GJB2: variants seen among roughly 807,000 people sequenced by gnomAD.
GJB2 encodes the protein gap junction beta-2 protein.
Under a neutral mutation model 16.0 loss-of-function variants are expected in GJB2, and 30 were observed. The ratio of observed to expected loss-of-function variants is 1.88; its 90% CI spans 1.41 to 2.55. The LOEUF is 2.55. Ranked by LOEUF, GJB2 falls within the 30% of genes most tolerant of loss-of-function variation. The pLI, the probability that GJB2 is intolerant of heterozygous loss-of-function variation, is 0.00. For missense variants in GJB2, 284 were observed against 289.7 expected, an observed-to-expected ratio of 0.98 and a Z score of 0.14; for synonymous variants, 123 against 119.1, an observed-to-expected ratio of 1.03 and a Z score of -0.21.
intron 1 of GJB2, 26 bp downstream of exon 1, chr13:20,192,757 G>C (rs1200763535): frequency 2.6e-5 from 4 of 152,552 alleles, no homozygotes; most frequent in East Asian, 1.9e-4. Flanking sequence ...GTTCCTGGCC[G>C]GGCAGTCCGG....
intron 1 of GJB2, among the ~76,000 whole-genome samples, chr13:20,190,686 T>C (rs189158183): frequency 6.6e-6 from 1 of 152,336 alleles, no homozygotes; most frequent in East Asian, 1.9e-4. Context: ...TTGTCTTCAC[T>C]GATTCATAGT....
chr13:20,189,483 A>T lies in GJB2; in HGVS notation c.99T>A (p.Ile33=). 1 of 1,613,942 alleles carries T rather than the reference A, an allele frequency of 6.2e-7. No individual in the cohort carries two copies. The highest frequency in any genetic ancestry group is 8.5e-7 in the Non-Finnish European group (1 of 1,179,828). The part of the protein sequence containing the change: ...IWLTVLFIFR[I]MILVVAAKEV... ...CCTTTGCAGCCACAACGAGGATCAT[A>T]ATGCGAAAAATGAAGAGGACGGTGA... Residue 33 remains isoleucine (I), a synonymous_variant, in exon 2 of 2, where the codon ATT becomes ATA. Coordinates refer to ENST00000382848, the MANE Select transcript of GJB2 (RefSeq NM_004004.6).
Position 20,188,988 on chromosome 13 carries a change from C to T in GJB2, c.594G>A (p.Val198=), listed in dbSNP as rs773768026. ...KTVFTVFMIA[V]SGICILLNVT... ...CATTCAGCAGGATGCAAATTCCAGA[C>T]ACTGCAATCATGAACACTGTGAAGA... is the stretch of plus-strand genomic sequence containing the variant. The change falls in exon 2 of 2, where the codon GTG becomes GTA. Residue 198 remains valine, a synonymous_variant. Coordinates refer to ENST00000382848, the MANE Select transcript of GJB2 (RefSeq NM_004004.6). 10 of 1,613,938 alleles carry T rather than the reference C, an allele frequency of 6.2e-6. No individual in the cohort carries two copies. In the East Asian group the frequency reaches 8.9e-5, roughly 14 times the overall value.
Position 20,189,182 on chromosome 13 carries a change from A to G in GJB2, c.400T>C (p.Trp134Arg), listed in dbSNP as rs878853241. ...QKVRIEGSLW[W>R]TYTSSIFFRV... ...AAGAAGATGCTGCTTGTGTAGGTCC[A>G]CCACAGGGAGCCTTCGATGCGGACC... The change falls in exon 2 of 2, where the codon TGG (tryptophan) becomes CGG (arginine). Residue 134 changes from tryptophan to arginine, a missense_variant. Coordinates refer to ENST00000382848, the MANE Select transcript of GJB2 (RefSeq NM_004004.6). 1 of 1,613,884 alleles carries G rather than the reference A, an allele frequency of 6.2e-7. No individual in the cohort carries two copies. Among genetic ancestry groups the G allele is most frequent in the Middle Eastern group, 1.7e-4 (1 of 6,060 alleles).
chr13:20,188,807 G>T lies in GJB2; in HGVS notation c.*94C>A. ...CATTTAAGGTCAGAATCTTTGTGTT[G>T]GGAAATGCTAGCGACTGAGCCTTGA... On this transcript the variant is annotated 3_prime_UTR_variant, in exon 2 of 2. Coordinates refer to ENST00000382848, the MANE Select transcript of GJB2 (RefSeq NM_004004.6). The T allele has an allele frequency of 3.0e-6, 3 of 989,194 alleles. No individual in the cohort carries two copies. The highest frequency in any genetic ancestry group is 4.8e-6 in the Non-Finnish European group (3 of 620,722). 61.3% of individuals were successfully genotyped at this position (989,194 alleles called of 1,614,324 possible).
Position 20,189,511 on chromosome 13 carries a change from C to T in GJB2, c.71G>A (p.Trp24Ter), listed in dbSNP as rs104894396. The T allele has an allele frequency of 2.8e-4, 451 of 1,614,180 alleles. 4 individuals carry two copies. The South Asian group carries it at 4.2e-3, about 15-fold the overall frequency. The change falls in exon 2 of 2, where the codon TGG becomes TAG. Residue 24 changes from tryptophan (W) to a stop codon, truncating the protein, a stop_gained. Coordinates refer to ENST00000382848, the MANE Select transcript of GJB2 (RefSeq NM_004004.6). LOFTEE classifies it high-confidence loss of function. Reference protein sequence around the residue: ...NKHSTSIGKIWLTVLFIFRIM... With the variant: ...NKHSTSIGKI ...GCGAAAAATGAAGAGGACGGTGAGC[C>T]AGATCTTTCCAATGCTGGTGGAGTG...
At chr13:20,190,806 T>C (rs9552100) in intron 1 of GJB2, among the ~76,000 whole-genome samples, 128,837 of 151,808 alleles carry the variant, frequency 0.85, 56,877 homozygotes, top group East Asian at 1. Flanking sequence ...GAATCCTCCT[T>C]CTTCTTTTTC....
intron 1 of GJB2, among the ~76,000 whole-genome samples, chr13:20,191,303 C>G (rs926053851): frequency 6.6e-6 from 1 of 152,112 alleles, no homozygotes; most frequent in Non-Finnish European, 1.5e-5. Flanking sequence ...CCGAAGTAAA[C>G]TCTCTCCTGG....
chr13:20,189,189 G>C lies in GJB2; in HGVS notation c.393C>G (p.Ser131=), dbSNP rs1355383547. The part of the protein sequence containing the change: ...IKTQKVRIEG[S]LWWTYTSSIF... ...TGCTGCTTGTGTAGGTCCACCACAGGGAGCCTTCGATGCGGACCTTCTGGG... is the reference window on the plus strand; with the variant it reads ...TGCTGCTTGTGTAGGTCCACCACAGCGAGCCTTCGATGCGGACCTTCTGGG... Residue 131 remains serine (S), a synonymous_variant, in exon 2 of 2, where the codon TCC becomes TCG. Coordinates refer to ENST00000382848, the MANE Select transcript of GJB2 (RefSeq NM_004004.6). The C allele has an allele frequency of 3.7e-6, 6 of 1,613,784 alleles. No individual in the cohort carries two copies. The highest frequency in any genetic ancestry group is 5.1e-6 in the Non-Finnish European group (6 of 1,180,002).
rs1566528276 is a variant in GJB2, at chr13:20,189,048, C to G, written c.534G>C (p.Val178=). The change falls in exon 2 of 2, where the codon GTG becomes GTC. Residue 178 remains valine (V), a synonymous_variant. Coordinates refer to ENST00000382848, the MANE Select transcript of GJB2 (RefSeq NM_004004.6). ...KCNAWPCPNT[V]DCFVSRPTEK... ...CCGTGGGCCGGGACACAAAGCAGTCCACAGTGTTGGGACAAGGCCAGGCGT... is the reference window on the plus strand; with the variant it reads ...CCGTGGGCCGGGACACAAAGCAGTCGACAGTGTTGGGACAAGGCCAGGCGT... 4 of 1,614,088 alleles carry G rather than the reference C, an allele frequency of 2.5e-6. No individual in the cohort carries two copies. The highest frequency in any genetic ancestry group is 3.4e-6 in the Non-Finnish European group (4 of 1,180,022).
chr13:20,188,674 A>G lies in GJB2; in HGVS notation c.*227T>C. The G allele has an allele frequency of 1.7e-6, 1 of 582,904 alleles. No individual in the cohort carries two copies. Among genetic ancestry groups the G allele is most frequent in the South Asian group, 2.1e-5 (1 of 47,104 alleles). 36.1% of individuals were successfully genotyped at this position (582,904 alleles called of 1,614,324 possible). On this transcript the variant is annotated 3_prime_UTR_variant, in exon 2 of 2. Transcript: ENST00000382848. ...GTGGAACTAACTTAAGTGAAAGAAA[A>G]TTAAGACAGGCATAGAATTAGGCCT...
In GJB2 at chr13:20,187,643, T is replaced by G. The variant is rs751581043; in HGVS notation, c.*1258A>C. On this transcript the variant is annotated 3_prime_UTR_variant, in exon 2 of 2. Transcript: ENST00000382848. The stretch of plus-strand genomic sequence containing the variant: ...ACTGAAATATGTGGAGTACCATTTT[T>G]TGGAAACCATGTCAAGCATAATGGC... 1.1e-4 allele frequency: 17 copies of G among 152,200 alleles called. No homozygotes were observed. The highest frequency in any genetic ancestry group is 1.8e-4 in the Non-Finnish European group (12 of 68,036). The allele number at this position is 152,200 out of a possible 1,614,324, so 9.4% of individuals were successfully genotyped here. A position where few individuals can be genotyped will look rare whatever the true frequency, so the allele number is the denominator to read the frequency against.
At chr13:20,191,332 G>C (rs181566384) in intron 1 of GJB2, among the ~76,000 whole-genome samples, 3 of 152,132 alleles carry the variant, frequency 2.0e-5, no homozygotes, top group African/African-American at 7.2e-5. Flanking sequence ...AATACACCTG[G>C]CCAAGAATAT....
At chr13:20,190,721 G>A (rs768618218) in intron 1 of GJB2, among the ~76,000 whole-genome samples, 20 of 152,152 alleles carry the variant, frequency 1.3e-4, no homozygotes, top group Non-Finnish European at 2.9e-4. Flanking sequence ...CACAACCAAC[G>A]CTCTCCTAAA....
intron 1 of GJB2, among the ~76,000 whole-genome samples, chr13:20,191,548 C>A (rs924991972): frequency 3.3e-5 from 5 of 152,162 alleles, no homozygotes; most frequent in African/African-American, 1.2e-4. Context: ...AAGATTTACT[C>A]CCCAATGGGC....
chr13:20,188,489 T>G lies in GJB2; in HGVS notation c.*412A>C, dbSNP rs547859391. The G allele has an allele frequency of 1.7e-5, 3 of 173,814 alleles. No homozygotes were observed. In the East Asian group the frequency reaches 4.8e-4, roughly 28 times the overall value. The allele number at this position is 173,814 out of a possible 1,614,324, so 10.8% of individuals were successfully genotyped here. A position where few individuals can be genotyped will look rare whatever the true frequency, so the allele number is the denominator to read the frequency against. On this transcript the variant is annotated 3_prime_UTR_variant, in exon 2 of 2. Coordinates refer to ENST00000382848, the MANE Select transcript of GJB2 (RefSeq NM_004004.6). ...TGTTCACCTTTAACGTGGGGAAAGT[T>G]GGCAAAAAGAACCCCAGGAGGACAC...
At chr13:20,189,916 G>A (rs922629711) in intron 1 of GJB2, 8 of 384,532 alleles carry the variant, frequency 2.1e-5, no homozygotes, top group South Asian at 7.3e-5. Context: ...TAAAGTCCTC[G>A]TTAGCTGAAA....
Position 20,189,488 on chromosome 13 carries a change from G to A in GJB2, c.94C>T (p.Arg32Cys), listed in dbSNP as rs371024165. 3.5e-5 allele frequency: 57 copies of A among 1,613,850 alleles called. No homozygotes were observed. In the African/African-American group the frequency reaches 3.6e-4, roughly 10 times the overall value. Residue 32 changes from arginine to cysteine, a missense_variant, in exon 2 of 2, where the codon CGC becomes TGC. Physicochemically the swap from Arg to Cys is radical, Grantham distance 180. Transcript: ENST00000382848. ...GCAGCCACAACGAGGATCATAATGC[G>A]AAAAATGAAGAGGACGGTGAGCCAG... ...KIWLTVLFIF[R>C]IMILVVAAKE...
chr13:20,189,923 G>A (rs989143435), intron 1 of GJB2: 8 of 378,846 alleles, frequency 2.1e-5, no homozygotes, highest in African/African-American at 4.1e-5. Flanking sequence ...CTCGTTAGCT[G>A]AAAGGCACTC....
Sources: gnomAD v4.1 joint callset for allele counts (sites outside exome capture counted in the v4.1 genomes callset) on GRCh38, gnomAD v4.1.1 for gene constraint, MANE v1.5 for transcripts, NCBI Gene and HGNC (gene_info 2026-07-23, HGNC 2026-07-21) for gene names.